The following TBC1D8B variants were observed in gnomAD, a reference collection of about 807,000 sequenced individuals.
The protein encoded by TBC1D8B is RP11-321G1.1.
Under a neutral mutation model 82.9 loss-of-function variants are expected in TBC1D8B, and 75 were observed. The ratio of observed to expected loss-of-function variants is 0.90; its 90% CI spans 0.75 to 1.10. TBC1D8B has a LOEUF of 1.10. TBC1D8B is among the 50% of genes least tolerant of loss of function. The pLI is 0.00. For missense variants in TBC1D8B, 794 were observed against 796.9 expected (o/e 1.00, Z 0.04); for synonymous variants, 276 against 276.8 (o/e 1.00, Z 0.03).
intron 7 of TBC1D8B, chrX:106,827,876 A>G (rs1452085005): frequency 1.8e-5 from 2 of 111,464 alleles, no homozygotes; most frequent in Non-Finnish European, 3.8e-5. Flanking sequence ...TCACAATTAA[A>G]AGAACTAGAA....
rs752187400 is a variant in TBC1D8B at position 106,822,127 on chromosome X, C to T, written c.511C>T (p.Arg171Trp). ...TTATTCATGCAGTTATTGGAAAGGA[C>T]GGGTTCCTTGTCAGGGTTGGCTTTA... ...TYYSCSYWKG[R>W]VPCQGWLYLS... is the part of the protein sequence containing the mutation. Residue 171 changes from arginine (R) to tryptophan (W), a missense_variant, in exon 4 of 21, where the codon CGG (arginine) becomes TGG (tryptophan). Physicochemically the swap from Arg to Trp is moderately radical, Grantham distance 101. Coordinates refer to ENST00000357242, the MANE Select transcript of TBC1D8B (RefSeq NM_017752.3). 6 of 1,209,939 alleles carry T rather than the reference C, an allele frequency of 5.0e-6. No homozygotes were observed. Among genetic ancestry groups the T allele is most frequent in the South Asian group, 3.5e-5 (2 of 56,727 alleles).
chrX:106,850,346 G>T (rs1394124899), intron 12 of TBC1D8B, 36 bp downstream of exon 12: 2 of 1,118,575 alleles, frequency 1.8e-6, no homozygotes, highest in East Asian at 3.1e-5. Flanking sequence ...ATCTGGAGGA[G>T]ATTTGAGAGA....
intron 7 of TBC1D8B, among the ~76,000 whole-genome samples, chrX:106,838,478 C>T (rs1932228676): frequency 8.9e-6 from 1 of 111,890 alleles, no homozygotes; most frequent in Non-Finnish European, 1.9e-5. Flanking sequence ...TTATTCCCTG[C>T]TTTCAAAGAT....
chrX:106,849,348 C>A (rs1451009418), intron 11 of TBC1D8B: 5 of 1,086,748 alleles, frequency 4.6e-6, no homozygotes, highest in Non-Finnish European at 3.6e-6. Flanking sequence ...GCTCTTTCTC[C>A]AATTTTCTAC....
intron 14 of TBC1D8B, among the ~76,000 whole-genome samples, chrX:106,863,090 T>C (rs1420607627): frequency 8.9e-6 from 1 of 111,791 alleles, no homozygotes; most frequent in Non-Finnish European, 1.9e-5. Context: ...CCATGCTTGC[T>C]CGTGCATGCC....
intron 1 of TBC1D8B, among the ~76,000 whole-genome samples, chrX:106,807,680 A>C (rs1331586564): frequency 1.8e-5 from 2 of 111,098 alleles, no homozygotes; most frequent in Admixed American, 1.9e-4. Context: ...AGAGAACGAA[A>C]TGTTCCAGGG....
chrX:106,831,069 A>G (rs1463923453), intron 7 of TBC1D8B, among the ~76,000 whole-genome samples: 3 of 111,120 alleles, frequency 2.7e-5, no homozygotes, highest in Non-Finnish European at 1.9e-5. Context: ...ATTTTCTTTT[A>G]CAATGTCCAG....
chrX:106,849,587 T>C, intron 11 of TBC1D8B: 1 of 894,245 alleles, frequency 1.1e-6, no homozygotes, highest in Non-Finnish European at 1.4e-6. Flanking sequence ...GACTCTCATG[T>C]CACTGATTCA....
rs113920469 is a variant in TBC1D8B at position 106,839,403 on chromosome X, A to G, written c.1299A>G (p.Glu433=). Residue 433 remains glutamate (E), a synonymous_variant, in exon 8 of 21, where the codon GAA becomes GAG. Transcript: ENST00000357242. Reference sequence around the variant, plus strand: ...AATGCAGTAAAACTGTGAACACTGAAGCCTTAATGACAGTATTTCACCCTC... The same window carrying G: ...AATGCAGTAAAACTGTGAACACTGAGGCCTTAATGACAGTATTTCACCCTC... ...QRECSKTVNT[E]ALMTVFHPQN... 6.7e-6 allele frequency: 8 copies of G among 1,187,712 alleles called. No homozygotes were observed. The African/African-American group carries it at 7.1e-5, about 10-fold the overall frequency.
chrX:106,829,130 G>A (rs774541585), intron 7 of TBC1D8B: 61 of 105,612 alleles, frequency 5.8e-4, no homozygotes, highest in African/African-American at 2.2e-3. Flanking sequence ...AAAATCACAA[G>A]CATTCTTATA....
rs1323222100 is a variant in TBC1D8B, at chrX:106,820,902, G to T, written c.267G>T (p.Lys89Asn). The change falls in exon 3 of 21, where the codon AAG becomes AAT. Residue 89 changes from lysine (K) to asparagine (N), a missense_variant. By Grantham distance (94) the Lys-to-Asn change is moderately conservative. Coordinates refer to ENST00000357242, the MANE Select transcript of TBC1D8B (RefSeq NM_017752.3). Reference protein sequence around the residue: ...ACGANREEITKHWDWLEQNIM... With the variant: ...ACGANREEITNHWDWLEQNIM... ...GAGCCAACAGAGAAGAAATAACCAA[G>T]CATTGGGATTGGTTGGAACAAAATA... 8 of 1,185,457 alleles carry T rather than the reference G, an allele frequency of 6.7e-6. No individual in the cohort carries two copies. The highest frequency in any genetic ancestry group is 9.1e-6 in the Non-Finnish European group (8 of 882,539).
At chrX:106,804,426 T>C (rs1931125688) in intron 1 of TBC1D8B, among the ~76,000 whole-genome samples, 1 of 111,984 alleles carries the variant, frequency 8.9e-6, no homozygotes, top group Admixed American at 9.5e-5. Flanking sequence ...AATTGCCCTG[T>C]TAAATGTGAC....
intron 14 of TBC1D8B, among the ~76,000 whole-genome samples, chrX:106,862,842 G>A (rs1932788453): frequency 1.1e-5 from 1 of 94,458 alleles, no homozygotes; most frequent in African/African-American, 4.1e-5. Context: ...TTTGATTGTG[G>A]ATTCAGTTGA....
At chrX:106,830,731 T>A (rs1215875646) in intron 7 of TBC1D8B, among the ~76,000 whole-genome samples, 1 of 91,732 alleles carries the variant, frequency 1.1e-5, no homozygotes, top group Non-Finnish European at 2.1e-5. Flanking sequence ...CACTCATAGG[T>A]GGGAATTGAA....
chrX:106,857,171 T>G (rs1036231578), intron 14 of TBC1D8B, among the ~76,000 whole-genome samples: 5 of 111,573 alleles, frequency 4.5e-5, no homozygotes, highest in Non-Finnish European at 9.4e-5. Flanking sequence ...TTTGTTTTTT[T>G]TGAGACTGAG....
At chrX:106,855,035 G>A (rs768717422) in intron 14 of TBC1D8B, among the ~76,000 whole-genome samples, 1 of 112,066 alleles carries the variant, frequency 8.9e-6, no homozygotes, top group African/African-American at 3.2e-5. Flanking sequence ...TTGGTGAATC[G>A]GATTAATAGA....
chrX:106,826,283 A>G, intron 6 of TBC1D8B, 46 bp downstream of exon 6: 1 of 1,055,316 alleles, frequency 9.5e-7, no homozygotes, highest in South Asian at 2.1e-5. Context: ...TGAAAATGTT[A>G]TCCTTCACAG....
At chrX:106,821,187 A>G (rs1174953215) in intron 3 of TBC1D8B, among the ~76,000 whole-genome samples, 192 bp downstream of exon 3, 1 of 111,062 alleles carries the variant, frequency 9.0e-6, no homozygotes, top group Non-Finnish European at 1.9e-5. Context: ...AGATTGATAG[A>G]TATTGAAATA....
chrX:106,803,383 C>T (rs1373532214), intron 1 of TBC1D8B, among the ~76,000 whole-genome samples: 1 of 110,656 alleles, frequency 9.0e-6, no homozygotes, highest in East Asian at 2.8e-4. Context: ...ATCATCAGCA[C>T]CCTGGGGAGA....
Sources: allele counts gnomAD v4.1 joint callset (sites outside exome capture counted in the v4.1 genomes callset), GRCh38; gene constraint gnomAD v4.1.1; transcripts MANE v1.5; gene names NCBI Gene and HGNC (gene_info 2026-07-23, HGNC 2026-07-21).